Variants in MACROD2 observed in about 807,000 individuals in gnomAD.
MACROD2 encodes ADP-ribose glycohydrolase MACROD2.
In MACROD2, 36 loss-of-function variants were observed where a neutral mutation model predicts 70.4. The ratio of observed to expected loss-of-function variants is 0.51; its 90% CI spans 0.39 to 0.68. The LOEUF (loss-of-function observed/expected upper bound fraction) is 0.68, where lower values mean the gene tolerates loss of function less well. MACROD2 is among the 30% of genes least tolerant of loss of function. MACROD2 has a pLI of 0.00. For synonymous variants in MACROD2, 172 were observed against 178.8 expected (o/e 0.96, Z 0.30); for missense variants, 496 against 538.4 (o/e 0.92, Z 0.78).
intron 3 of MACROD2, among the ~76,000 whole-genome samples, chr20:14,454,323 A>G (rs961745664): frequency 2.6e-5 from 4 of 151,866 alleles, no homozygotes; most frequent in Admixed American, 1.3e-4. Context: ...CTCCTTTACC[A>G]TATCAACTGT....
chr20:14,951,679 G>A lies in MACROD2; in HGVS notation c.418+266720G>A, dbSNP rs371681832. Among the ~76,000 whole-genome samples the A allele has an allele frequency of 5.9e-5, 9 of 152,154 alleles. No individual in the cohort carries two copies. In the East Asian group the frequency reaches 7.7e-4, roughly 13 times the overall value. On this transcript the variant is annotated intron_variant, in intron 5 of 17. Transcript: ENST00000684519. ...AAGTAACCCAGCAACCCACTTCTCC[G>A]TTGCAGCTGTTTCAAACTATTCCTG...
In MACROD2 at chr20:15,157,371, C is replaced by A. The variant is rs1657960; in HGVS notation, c.419-72569C>A. Among the ~76,000 whole-genome samples, 88 of 20,838 alleles carry A rather than the reference C, an allele frequency of 4.2e-3. 2 individuals carry two copies. The highest frequency in any genetic ancestry group is 0.013 in the African/African-American group (82 of 6,462). 13.7% of individuals were successfully genotyped at this position (20,838 alleles called of 152,430 possible). ...ACCACCCCCCCCCACCTCCCCCCCC[C>A]CCGGCCACCCAGGCTTCACCTCTAA... On this transcript the variant is annotated intron_variant, in intron 5 of 17. Coordinates refer to ENST00000684519, the MANE Select transcript of MACROD2 (RefSeq NM_001351661.2).
At chr20:15,589,067 G>A (rs2048642664) in intron 8 of MACROD2, among the ~76,000 whole-genome samples, 1 of 152,208 alleles carries the variant, frequency 6.6e-6, no homozygotes, top group African/African-American at 2.4e-5. Flanking sequence ...AGCCCCACAT[G>A]GCTGGGGAGG....
chr20:15,247,020 A>G, intron 6 of MACROD2, among the ~76,000 whole-genome samples: 1 of 152,154 alleles, frequency 6.6e-6, no homozygotes, highest in South Asian at 2.1e-4. Flanking sequence ...AACGGTTGTC[A>G]GAGGCTGGGG....
chr20:14,262,627 C>T (rs2082110234), intron 3 of MACROD2, among the ~76,000 whole-genome samples: 1 of 151,862 alleles, frequency 6.6e-6, no homozygotes, highest in African/African-American at 2.4e-5. Flanking sequence ...AAGATGGAGG[C>T]AGAACTTTGG....
Position 15,729,831 on chromosome 20 carries a change from C to CTTTTTTTTTTTTTTTTTTTTTTTTTT in MACROD2, c.646-132899_646-132898insTTTTTTTTTTTTTTTTTTTTTTTTTT, listed in dbSNP as rs61542762. Among the ~76,000 whole-genome samples, 4 of 64,778 alleles carry CTTTTTTTTTTTTTTTTTTTTTTTTTT rather than the reference C, an allele frequency of 6.2e-5. 2 individuals are homozygous for CTTTTTTTTTTTTTTTTTTTTTTTTTT. The highest frequency in any genetic ancestry group is 5.6e-5 in the Non-Finnish European group (2 of 35,868). The allele number at this position is 64,778 out of a possible 152,430, so 42.5% of individuals were successfully genotyped here. ...GAACACAGCATGCAGTTGGGTCATG[C>CTTTTTTTTTTTTTTTTTTTTTTTTTT]TTTTTTTTTTTTTTTGGATGGAGTT... is the stretch of plus-strand genomic sequence containing the variant. On this transcript the variant is annotated intron_variant, in intron 8 of 17. Transcript: ENST00000684519.
intron 8 of MACROD2, among the ~76,000 whole-genome samples, chr20:15,504,768 A>G (rs2047405188): frequency 6.6e-6 from 1 of 152,206 alleles, no homozygotes; most frequent in Non-Finnish European, 1.5e-5. Flanking sequence ...CCTTTCTCTA[A>G]GTGCACCATT....
chr20:16,013,022 A>C (rs1206596181), intron 15 of MACROD2, among the ~76,000 whole-genome samples: 1 of 152,280 alleles, frequency 6.6e-6, no homozygotes, highest in South Asian at 2.1e-4. Context: ...TCTACTAAAA[A>C]TACAAAACTT....
At chr20:14,066,327 C>G (rs1236010870) in intron 2 of MACROD2, among the ~76,000 whole-genome samples, 7 of 152,124 alleles carry the variant, frequency 4.6e-5, no homozygotes, top group African/African-American at 7.2e-5. Context: ...ATATCTTATT[C>G]TCTGCTAGAC....
intron 7 of MACROD2, among the ~76,000 whole-genome samples, chr20:15,499,450 C>T (rs574933885): frequency 2.0e-5 from 3 of 151,944 alleles, no homozygotes; most frequent in Non-Finnish European, 4.4e-5. Context: ...GCACTTCTTA[C>T]AAGAAAATAA....
At chr20:14,203,187 G>T (rs2081494812) in intron 3 of MACROD2, among the ~76,000 whole-genome samples, 1 of 151,878 alleles carries the variant, frequency 6.6e-6, no homozygotes, top group Non-Finnish European at 1.5e-5. Flanking sequence ...AAGCTCAATT[G>T]TATTTTTTAA....
At chr20:15,630,641 A>G (rs905439086) in intron 8 of MACROD2, among the ~76,000 whole-genome samples, 1 of 152,230 alleles carries the variant, frequency 6.6e-6, no homozygotes, top group Non-Finnish European at 1.5e-5. Flanking sequence ...GGAATGGAGA[A>G]TAAATTCTGC....
At chr20:14,713,063 G>T (rs957695814) in intron 5 of MACROD2, among the ~76,000 whole-genome samples, 1 of 152,146 alleles carries the variant, frequency 6.6e-6, no homozygotes. Context: ...AGTCAATTCA[G>T]TCACAATATG....
chr20:15,394,450 C>T (rs899192428), intron 6 of MACROD2, among the ~76,000 whole-genome samples: 6 of 152,156 alleles, frequency 3.9e-5, no homozygotes, highest in Non-Finnish European at 7.3e-5. Context: ...AGTTGTGATA[C>T]TTACAGTATT....
chr20:15,583,964 T>C (rs1430857869), intron 8 of MACROD2, among the ~76,000 whole-genome samples: 5 of 152,236 alleles, frequency 3.3e-5, no homozygotes, highest in Admixed American at 1.3e-4. Flanking sequence ...GTGATCACAC[T>C]GTCCCCTCCA....
At position 15,802,501 on chromosome 20, in the gene MACROD2, G is replaced by A. The variant is rs374486990; in HGVS notation, c.646-60244G>A. On this transcript the variant is annotated intron_variant, in intron 8 of 17. Transcript: ENST00000684519. ...GATGTGCTGTATCACATTTATTTGTGTATGTTGAACTGTCCTTGCATCCCT... is the reference window on the plus strand; with the variant it reads ...GATGTGCTGTATCACATTTATTTGTATATGTTGAACTGTCCTTGCATCCCT... Among the ~76,000 whole-genome samples, 3 of 152,010 alleles carry A rather than the reference G, an allele frequency of 2.0e-5. No individual in the cohort carries two copies. In the East Asian group the frequency reaches 5.8e-4, roughly 29 times the overall value.
chr20:15,357,798 CTTTTTTTTTTTTTTTT>C (rs200860242), intron 6 of MACROD2, among the ~76,000 whole-genome samples: 4 of 135,704 alleles, frequency 2.9e-5, no homozygotes, highest in African/African-American at 5.6e-5. Context: ...TTCATTCATT[CTTTTTTTTTTTTTTTT>C]TTTTTTTTTC....
chr20:15,359,882 T>C (rs1249045392), intron 6 of MACROD2, among the ~76,000 whole-genome samples: 8 of 152,176 alleles, frequency 5.3e-5, no homozygotes, highest in Admixed American at 5.2e-4. Context: ...GTAAAATGTG[T>C]TTACATAGTT....
rs183471530 is a variant in MACROD2 at position 15,426,608 on chromosome 20, G to A, written c.541-4797G>A. On this transcript the variant is annotated intron_variant, in intron 6 of 17. Transcript: ENST00000684519. ...TGATTTGTCTGCCTCGGCCTCAAAT[G>A]ATTTTTTTTTGTTTTTTGTTTTTGT... Among the ~76,000 whole-genome samples, 11 of 151,896 alleles carry A rather than the reference G, an allele frequency of 7.2e-5. No homozygotes were observed. The East Asian group carries it at 1.2e-3, about 16-fold the overall frequency.
Sources: gnomAD v4.1 joint callset for allele counts (sites outside exome capture counted in the v4.1 genomes callset) on GRCh38, gnomAD v4.1.1 for gene constraint, MANE v1.5 for transcripts, NCBI Gene and HGNC (gene_info 2026-07-23, HGNC 2026-07-21) for gene names.